The following PCDH15 variants were observed in gnomAD, a reference collection of about 807,000 sequenced individuals.
PCDH15 encodes the protein protocadherin-15.
Under a neutral mutation model 178.5 loss-of-function variants are expected in PCDH15, and 129 were observed. The observed-to-expected ratio is 0.72, with a 90% CI of 0.63 to 0.84. The LOEUF is 0.84. Among genes scored for constraint, PCDH15 ranks in the 40% least tolerant of loss-of-function variants. The pLI is 0.00. For missense variants in PCDH15, 2,230 were observed against 2,099.9 expected, an observed-to-expected ratio of 1.06 and a Z score of -1.21; for synonymous variants, 800 against 732.0, an observed-to-expected ratio of 1.09 and a Z score of -1.50.
chr10:54,906,748 C>T (rs1258392473), intron 2 of PCDH15, among the ~76,000 whole-genome samples: 2 of 152,094 alleles, frequency 1.3e-5, no homozygotes, highest in Non-Finnish European at 1.5e-5. Flanking sequence ...TATAAGACAG[C>T]AAGTACATAG....
intron 1 of PCDH15, among the ~76,000 whole-genome samples, chr10:54,729,933 C>T (rs542164969): frequency 6.6e-6 from 1 of 151,644 alleles, no homozygotes; most frequent in African/African-American, 2.4e-5. Flanking sequence ...AAAGGGAATG[C>T]TTAAACACCG....
At chr10:54,105,293 T>G (rs1279374107) in intron 15 of PCDH15, among the ~76,000 whole-genome samples, 1 of 92,140 alleles carries the variant, frequency 1.1e-5, no homozygotes, top group African/African-American at 5.5e-5. Flanking sequence ...TATATATATA[T>G]ATATATATAT....
chr10:53,921,820 C>T (rs2084022065), intron 25 of PCDH15, among the ~76,000 whole-genome samples: 2 of 152,086 alleles, frequency 1.3e-5, no homozygotes, highest in South Asian at 4.1e-4. Context: ...CTGCTGTTTC[C>T]AACTTACTAA....
In PCDH15 at chr10:53,838,820, A is replaced by G. The variant is rs559050232; in HGVS notation, c.3983+1500T>C. 1.6e-3 allele frequency among the ~76,000 whole-genome samples: 243 copies of G among 152,296 alleles called. 1 individual carries two copies. The highest frequency in any genetic ancestry group is 2.5e-3 in the Non-Finnish European group (167 of 68,024). ...ATGTTGCTTCATTTTGGTGGTGACT[A>G]TAAAATCAGAGTGCGAGCTATTACT... On this transcript the variant is annotated intron_variant, in intron 29 of 37. Transcript: ENST00000644397.
At chr10:54,428,430 A>G (rs1233059967) in intron 3 of PCDH15, among the ~76,000 whole-genome samples, 1 of 152,200 alleles carries the variant, frequency 6.6e-6, no homozygotes, top group Non-Finnish European at 1.5e-5. Flanking sequence ...GGAATTACAT[A>G]AACTACACAT....
rs1565160513 is a variant in PCDH15, at chr10:55,459,423, G to A, written c.-156+168202C>T. Among the ~76,000 whole-genome samples the A allele has an allele frequency of 2.0e-5, 3 of 151,986 alleles. No homozygotes were observed. The South Asian group carries it at 6.2e-4, about 31-fold the overall frequency. On this transcript the variant is annotated intron_variant, in intron 2 of 5. Coordinates refer to the PCDH15 transcript ENST00000613346. Reference sequence around the variant, plus strand: ...GATTGAAAAGAGATTAGGCTGTAGTGCTAAGCAGAGGTCAATAATGATTAC... The same window carrying A: ...GATTGAAAAGAGATTAGGCTGTAGTACTAAGCAGAGGTCAATAATGATTAC...
At chr10:55,519,509 C>T (rs905277764) in intron 2 of PCDH15, among the ~76,000 whole-genome samples, 3 of 151,956 alleles carry the variant, frequency 2.0e-5, no homozygotes, top group Non-Finnish European at 4.4e-5. Flanking sequence ...GTATCAAAGT[C>T]AAAGCCCTAG....
chr10:54,498,532 C>T (rs2080343108), intron 3 of PCDH15, among the ~76,000 whole-genome samples: 1 of 152,084 alleles, frequency 6.6e-6, no homozygotes, highest in African/African-American at 2.4e-5. Context: ...GGTATGCTAT[C>T]TTCAACAGAA....
chr10:54,931,572 G>C (rs1424823537), intron 2 of PCDH15, among the ~76,000 whole-genome samples: 4 of 152,100 alleles, frequency 2.6e-5, no homozygotes, highest in African/African-American at 9.7e-5. Flanking sequence ...TCTTTTCTAT[G>C]TGTTCCAAAA....
intron 2 of PCDH15, among the ~76,000 whole-genome samples, chr10:55,460,405 G>A (rs180965739): frequency 1.1e-3 from 169 of 152,016 alleles, no homozygotes; most frequent in African/African-American, 3.9e-3. Context: ...GCCATTGTAG[G>A]AACCTCCTTC....
rs1314930597 is a variant in PCDH15, at chr10:55,024,138, TAGGAAGGAATATATATAGAGAG to T, written c.-79-126660_-79-126639del. Among the ~76,000 whole-genome samples, 206 of 144,578 alleles carry T rather than the reference TAGGAAGGAATATATATAGAGAG, an allele frequency of 1.4e-3. 4 individuals carry two copies. In the East Asian group the frequency reaches 0.035, roughly 25 times the overall value. The allele number at this position is 144,578 out of a possible 152,430, so 94.8% of individuals were successfully genotyped here. A position where few individuals can be genotyped will look rare whatever the true frequency, so the allele number is the denominator to read the frequency against. On this transcript the variant is annotated intron_variant, in intron 2 of 5. Coordinates refer to the PCDH15 transcript ENST00000458638. ...ATAGGAAGGAATATATATATATATATAGGAAGGAATATATATAGAGAGAGGAAGGAATATATATAGAGAGAGG... is the reference window on the plus strand; with the variant it reads ...ATAGGAAGGAATATATATATATATATAGGAAGGAATATATATAGAGAGAGG...
intron 8 of PCDH15, among the ~76,000 whole-genome samples, chr10:54,258,462 A>G (rs546200301): frequency 1.3e-5 from 2 of 152,278 alleles, no homozygotes. Flanking sequence ...GATTGCTTCG[A>G]CTGGAGAAAA....
At chr10:55,586,334 T>C (rs1842727020) in intron 2 of PCDH15, among the ~76,000 whole-genome samples, 2 of 152,016 alleles carry the variant, frequency 1.3e-5, no homozygotes, top group African/African-American at 4.8e-5. Context: ...ATTTCTATTT[T>C]AAATAATTTG....
chr10:55,549,198 A>G (rs1841955233), intron 2 of PCDH15, among the ~76,000 whole-genome samples: 1 of 151,986 alleles, frequency 6.6e-6, no homozygotes, highest in South Asian at 2.1e-4. Flanking sequence ...CAAATGTTCA[A>G]ATTATTCATA....
At chr10:55,212,049 C>A (rs1840584739) in intron 1 of PCDH15, among the ~76,000 whole-genome samples, 1 of 152,094 alleles carries the variant, frequency 6.6e-6, no homozygotes, top group Admixed American at 6.5e-5. Context: ...TAGAAAACAG[C>A]TACCTGTGGG....
rs60365134 is a variant in PCDH15 at position 54,194,740 on chromosome 10, C to CTATATA, written c.1305+937_1305+942dup. Among the ~76,000 whole-genome samples the CTATATA allele has an allele frequency of 6.1e-3, 917 of 151,098 alleles. 9 individuals carry two copies. The highest frequency in any genetic ancestry group is 0.021 in the African/African-American group (854 of 40,990). On this transcript the variant is annotated intron_variant, in intron 11 of 37. Coordinates refer to ENST00000644397, the MANE Select transcript of PCDH15 (RefSeq NM_001384140.1). ...TGTATATGTCTATCTATCTATCTAT[C>CTATATA]TATATATATACACAAAACATATGTA... is the stretch of plus-strand genomic sequence containing the variant.
At position 55,073,145 on chromosome 10, in the gene PCDH15, C is replaced by T. The variant is rs538904520; in HGVS notation, c.-80+93431G>A. ...TGACAAACTCACAGCCAATATCATA[C>T]TGAATGGGCAAAAACTGGAAGCATT... On this transcript the variant is annotated intron_variant, in intron 2 of 5. Coordinates refer to the PCDH15 transcript ENST00000458638. Among the ~76,000 whole-genome samples the T allele has an allele frequency of 5.3e-3, 802 of 152,040 alleles. 10 individuals carry two copies. Among genetic ancestry groups the T allele is most frequent in the African/African-American group, 0.019 (774 of 41,502 alleles).
chr10:54,279,962 T>C (rs1168068242), intron 8 of PCDH15, among the ~76,000 whole-genome samples: 2 of 151,714 alleles, frequency 1.3e-5, no homozygotes, highest in Non-Finnish European at 3.0e-5. Flanking sequence ...TGTTTTGGCA[T>C]GGCAGAAAGA....
chr10:55,472,811 A>C (rs1412346737), intron 2 of PCDH15, among the ~76,000 whole-genome samples: 3 of 151,996 alleles, frequency 2.0e-5, no homozygotes, highest in Non-Finnish European at 4.4e-5. Flanking sequence ...CTCGTGATCC[A>C]CCCGACTCGG....
Sources: allele counts gnomAD v4.1 joint callset (sites outside exome capture counted in the v4.1 genomes callset), GRCh38; gene constraint gnomAD v4.1.1; transcripts MANE v1.5; gene names NCBI Gene and HGNC (gene_info 2026-07-23, HGNC 2026-07-21).